The following USP32 variants were observed in gnomAD, a reference collection of about 807,000 sequenced individuals.
The protein encoded by USP32 is ubiquitin specific peptidase 32.
In USP32, 59 loss-of-function variants were observed where a neutral mutation model predicts 204.8. The ratio of observed to expected loss-of-function variants is 0.29; its 90% CI spans 0.23 to 0.36. USP32 has a LOEUF of 0.36. USP32 is among the 10% of genes least tolerant of loss of function. The pLI, the probability that USP32 is intolerant of heterozygous loss-of-function variation, is 1.00. For missense variants in USP32, 1,160 were observed against 1,946.4 expected (o/e 0.60, Z 7.60); for synonymous variants, 517 against 678.4 (o/e 0.76, Z 3.70).
chr17:60,261,298 AT>A (rs1567810454), intron 9 of USP32, among the ~76,000 whole-genome samples: 2 of 152,202 alleles, frequency 1.3e-5, no homozygotes, highest in Admixed American at 6.5e-5. Context: ...TATTAATTTT[AT>A]TGTTTGAAAA....
chr17:60,240,531 G>A (rs2085850113), intron 11 of USP32, among the ~76,000 whole-genome samples: 1 of 151,958 alleles, frequency 6.6e-6, no homozygotes, highest in Non-Finnish European at 1.5e-5. Flanking sequence ...CAGAGACAAA[G>A]ACAAAAACCA....
chr17:60,271,169 A>C (rs1267475071), intron 6 of USP32, among the ~76,000 whole-genome samples, 181 bp downstream of exon 6: 3 of 152,210 alleles, frequency 2.0e-5, no homozygotes, highest in Non-Finnish European at 4.4e-5. Context: ...CAAGGTTATA[A>C]CAGGTAGAAT....
At chr17:60,236,863 T>C (rs2145639486) in intron 11 of USP32, among the ~76,000 whole-genome samples, 2 of 152,340 alleles carry the variant, frequency 1.3e-5, no homozygotes, top group South Asian at 4.1e-4. Flanking sequence ...TTTTAAAAAT[T>C]TGGCCTCTTT....
intron 26 of USP32, among the ~76,000 whole-genome samples, chr17:60,204,956 CTTT>C (rs34428660): frequency 3.0e-5 from 4 of 135,244 alleles, no homozygotes; most frequent in East Asian, 4.2e-4. Flanking sequence ...AAAAAGAAGT[CTTT>C]TTTTTTTTTT....
chr17:60,216,076 A>G (rs1018504329), intron 16 of USP32, among the ~76,000 whole-genome samples: 3 of 151,872 alleles, frequency 2.0e-5, no homozygotes, highest in Non-Finnish European at 4.4e-5. Context: ...AGTGCCCAAT[A>G]AGGAAAAAAA....
At chr17:60,363,660 G>GT (rs918980567) in intron 1 of USP32, among the ~76,000 whole-genome samples, 5 of 151,342 alleles carry the variant, frequency 3.3e-5, no homozygotes, top group African/African-American at 7.3e-5. Flanking sequence ...CTAATTTTTT[G>GT]TTTTTTTCAG....
chr17:60,299,197 A>G (rs1262466487), intron 3 of USP32, among the ~76,000 whole-genome samples: 5 of 152,222 alleles, frequency 3.3e-5, no homozygotes, highest in Admixed American at 2.0e-4. Context: ...TACTTTATAT[A>G]TGTGCATATT....
chr17:60,397,201 A>G (rs997309342), intron 1 of USP32, among the ~76,000 whole-genome samples: 1 of 152,236 alleles, frequency 6.6e-6, no homozygotes, highest in Non-Finnish European at 1.5e-5. Flanking sequence ...ACCTTACTTC[A>G]GTTTCTAGAT....
At chr17:60,214,458 T>C (rs1344737551) in intron 17 of USP32, among the ~76,000 whole-genome samples, 162 bp downstream of exon 17, 2 of 151,628 alleles carry the variant, frequency 1.3e-5, no homozygotes, top group Non-Finnish European at 2.9e-5. Flanking sequence ...TAAAATCCCA[T>C]ACTCATGAAA....
At chr17:60,217,546 C>T (rs1303724876) in intron 16 of USP32, among the ~76,000 whole-genome samples, 3 of 151,932 alleles carry the variant, frequency 2.0e-5, no homozygotes, top group African/African-American at 2.4e-5. Context: ...TCAGCAGCCT[C>T]GGCCTCCCAA....
intron 2 of USP32, among the ~76,000 whole-genome samples, chr17:60,306,660 A>G (rs912223080): frequency 2.6e-5 from 4 of 152,062 alleles, no homozygotes; most frequent in African/African-American, 4.8e-5. Flanking sequence ...AAATGTCTTT[A>G]GCTATTAAAA....
At chr17:60,350,104 C>T (rs949042743) in intron 1 of USP32, among the ~76,000 whole-genome samples, 1 of 151,708 alleles carries the variant, frequency 6.6e-6, no homozygotes, top group Non-Finnish European at 1.5e-5. Context: ...CCTCTGCCTC[C>T]CAGGCTCAAG....
At chr17:60,216,547 A>G (rs1430008487) in intron 16 of USP32, among the ~76,000 whole-genome samples, 1 of 152,272 alleles carries the variant, frequency 6.6e-6, no homozygotes, top group South Asian at 2.1e-4. Context: ...TATGTGCATC[A>G]TCTACTTTTT....
intron 30 of USP32, among the ~76,000 whole-genome samples, chr17:60,184,037 C>T (rs925129867): frequency 4.6e-5 from 7 of 151,952 alleles, no homozygotes; most frequent in Admixed American, 3.9e-4. Flanking sequence ...CTATAAACCC[C>T]GCGCTTTGGG....
chr17:60,314,251 C>A (rs2087922820), intron 2 of USP32, among the ~76,000 whole-genome samples: 1 of 150,816 alleles, frequency 6.6e-6, no homozygotes, highest in Non-Finnish European at 1.5e-5. Context: ...AAGCAATCGT[C>A]CCACCTCAGC....
chr17:60,395,876 G>A (rs1381461185), upstream of USP32, among the ~76,000 whole-genome samples: 8 of 152,120 alleles, frequency 5.3e-5, no homozygotes, highest in Admixed American at 3.9e-4. Context: ...CCTTAGGTAA[G>A]CTAGAGAGAG....
At chr17:60,317,815 G>A (rs866963448) in intron 2 of USP32, among the ~76,000 whole-genome samples, 2 of 152,038 alleles carry the variant, frequency 1.3e-5, no homozygotes, top group South Asian at 4.1e-4. Flanking sequence ...GTAAAAACCC[G>A]TCTCTACTAA....
intron 17 of USP32, among the ~76,000 whole-genome samples, chr17:60,214,268 T>G (rs1247886157): frequency 6.6e-6 from 1 of 152,202 alleles, no homozygotes. Context: ...ATGTAACATA[T>G]AATCTTTGTA....
chr17:60,257,752 G>C (rs1362538663), intron 9 of USP32, among the ~76,000 whole-genome samples: 1 of 151,904 alleles, frequency 6.6e-6, no homozygotes, highest in Non-Finnish European at 1.5e-5. Flanking sequence ...CCAAGGTGCT[G>C]GGGTTACACA....
Sources: allele counts gnomAD v4.1 joint callset (sites outside exome capture counted in the v4.1 genomes callset), GRCh38; gene constraint gnomAD v4.1.1; transcripts MANE v1.5; gene names NCBI Gene and HGNC (gene_info 2026-07-23, HGNC 2026-07-21).